Variants in GLS2 observed in about 807,000 individuals in gnomAD.
The protein encoded by GLS2 is glutaminase liver isoform, mitochondrial.
GLS2 carries 52 observed loss-of-function variants against 79.0 expected under a neutral mutation model. That is an observed-to-expected ratio of 0.66 (90% CI 0.53 to 0.83). The LOEUF is 0.83. Ranked by LOEUF, GLS2 falls within the 40% of genes least tolerant of loss-of-function variation. The probability of loss-of-function intolerance (pLI) is 0.00; values close to 1 mark genes in which losing one functional copy is unlikely to be tolerated. For synonymous variants in GLS2, 238 were observed against 280.8 expected (o/e 0.85, Z 1.52); for missense variants, 561 against 764.8 (o/e 0.73, Z 3.14).
chr12:56,480,269 C>T lies in GLS2; in HGVS notation c.282+19G>A, dbSNP rs1170027950. On this transcript the variant is annotated intron_variant, in intron 2 of 17. Transcript: ENST00000311966. ...GATCTTAAGGAATTAGGATCCTGAA[C>T]AGGTAGAGGGCAACTTACAGTGGTG... 1 of 1,599,830 alleles carries T rather than the reference C, an allele frequency of 6.3e-7. No homozygotes were observed. The highest frequency in any genetic ancestry group is 1.7e-5 in the Admixed American group (1 of 59,942).
intron 1 of GLS2, among the ~76,000 whole-genome samples, chr12:56,483,716 G>A (rs1368047494): frequency 1.3e-5 from 2 of 152,216 alleles, no homozygotes; most frequent in Admixed American, 6.5e-5. Flanking sequence ...TAGTAGCTGG[G>A]ACTATAGGTG....
At chr12:56,483,322 G>A (rs1011026812) in intron 1 of GLS2, among the ~76,000 whole-genome samples, 4 of 151,134 alleles carry the variant, frequency 2.6e-5, no homozygotes, top group Non-Finnish European at 4.4e-5. Flanking sequence ...CTTGTGATCC[G>A]CCTGCCTCCC....
intron 4 of GLS2, chr12:56,478,578 C>T: frequency 3.0e-6 from 1 of 337,864 alleles, no homozygotes; most frequent in East Asian, 6.4e-5. Flanking sequence ...TCTATTCGAT[C>T]TTGATTCCCT....
chr12:56,482,944 C>T (rs1383986387), intron 1 of GLS2, among the ~76,000 whole-genome samples: 4 of 151,946 alleles, frequency 2.6e-5, no homozygotes, highest in South Asian at 2.1e-4. Flanking sequence ...CAGCTAGTTG[C>T]GATTAAGACC....
intron 12 of GLS2, 95 bp from the exon 13 acceptor site, chr12:56,473,689 C>T: frequency 6.9e-7 from 1 of 1,449,406 alleles, no homozygotes; most frequent in South Asian, 1.5e-5. Flanking sequence ...TTACAAATGA[C>T]TGCATGACCA....
chr12:56,481,852 T>C (rs1458996361), intron 1 of GLS2, among the ~76,000 whole-genome samples: 2 of 151,430 alleles, frequency 1.3e-5, no homozygotes, highest in Non-Finnish European at 2.9e-5. Flanking sequence ...GATCACGCCA[T>C]TACACTCCAG....
chr12:56,484,482 C>T (rs1397115627), intron 1 of GLS2, among the ~76,000 whole-genome samples: 2 of 152,078 alleles, frequency 1.3e-5, no homozygotes, highest in African/African-American at 4.8e-5. Flanking sequence ...TGTTTGGAGT[C>T]AGGAGGAGTA....
In GLS2 at chr12:56,475,028, G is replaced by A. The variant is rs370703674; in HGVS notation, c.996+16C>T. 116 of 1,613,864 alleles carry A rather than the reference G, an allele frequency of 7.2e-5. No individual in the cohort carries two copies. In the Admixed American group the frequency reaches 1.1e-3, roughly 15 times the overall value. On this transcript the variant is annotated intron_variant, in intron 10 of 17. Coordinates refer to ENST00000311966, the MANE Select transcript of GLS2 (RefSeq NM_013267.4). ...AGAATTCCCAGGGACTTTCTCTTCC[G>A]GCCTCTTCTGGTTACCTTCTTTTCC...
intron 15 of GLS2, 47 bp from the exon 16 acceptor site, chr12:56,472,242 A>T (rs774690327): frequency 6.4e-7 from 1 of 1,550,924 alleles, no homozygotes; most frequent in Non-Finnish European, 8.9e-7. Context: ...TCAGACTGGA[A>T]TCACAGGTGT....
At position 56,479,157 on chromosome 12, in the gene GLS2, G is replaced by C. The variant is rs755803526; in HGVS notation, c.429C>G (p.Leu143=). The change falls in exon 4 of 18, where the codon CTC becomes CTG. Residue 143 remains leucine (L), a synonymous_variant. Coordinates refer to ENST00000311966, the MANE Select transcript of GLS2 (RefSeq NM_013267.4). Reference sequence around the variant, plus strand: ...ACTTCTTTCGGAATGCCTGGGTCAGGAGCACAATGTTGCTGCTCACACACC... The same window carrying C: ...ACTTCTTTCGGAATGCCTGGGTCAGCAGCACAATGTTGCTGCTCACACACC... ...FRKCVSSNIV[L]LTQAFRKKFV... is the part of the protein sequence containing the mutation. The C allele has an allele frequency of 6.2e-7, 1 of 1,613,886 alleles. No homozygotes were observed. The highest frequency in any genetic ancestry group is 8.5e-7 in the Non-Finnish European group (1 of 1,180,014).
intron 4 of GLS2, 93 bp downstream of exon 4, chr12:56,478,959 G>A (rs1214947018): frequency 1.2e-5 from 18 of 1,478,264 alleles, no homozygotes; most frequent in East Asian, 4.6e-5. Flanking sequence ...ACTCCAGCCC[G>A]GGTGACAGAG....
intron 3 of GLS2, chr12:56,479,431 T>C (rs1870107794): frequency 2.2e-6 from 1 of 446,790 alleles, no homozygotes; most frequent in East Asian, 3.7e-5. Context: ...CAGAATAATA[T>C]GTATGTATGT....
chr12:56,476,289 G>A, intron 7 of GLS2: 1 of 338,486 alleles, frequency 3.0e-6, no homozygotes, highest in Non-Finnish European at 5.5e-6. Context: ...CAGCCTCCAA[G>A]TAGCTCGGAT....
intron 15 of GLS2, 53 bp downstream of exon 15, chr12:56,472,637 A>G: frequency 6.5e-7 from 1 of 1,533,318 alleles, no homozygotes; most frequent in Non-Finnish European, 9.0e-7. Flanking sequence ...CCTCCTAGTA[A>G]AATCTCTGAC....
At chr12:56,479,347 G>A (rs757828117) in intron 3 of GLS2, 166 bp from the exon 4 acceptor site, 67 of 758,064 alleles carry the variant, frequency 8.8e-5, no homozygotes, top group Non-Finnish European at 1.2e-4. Context: ...CTTAGTTTCC[G>A]TACCTCTAAA....
chr12:56,472,151 G>A lies in GLS2; in HGVS notation c.1556C>T (p.Ser519Leu), dbSNP rs756058907. 3.7e-6 allele frequency: 6 copies of A among 1,614,034 alleles called. No individual in the cohort carries two copies. The highest frequency in any genetic ancestry group is 2.2e-5 in the East Asian group (1 of 44,906). Residue 519 changes from serine to leucine, a missense_variant, in exon 16 of 18, where the codon TCG (serine) becomes TTG (leucine). By Grantham distance (145) the Ser-to-Leu change is moderately radical (BLOSUM62 -2). This residue lies in a region of GLS2 where 136 missense variants were observed against 228.6 expected (regional missense o/e 0.59). Transcript: ENST00000311966. Reference protein sequence around the residue: ...AMDMEQKDYDSRTALHVAAAE... With the variant: ...AMDMEQKDYDLRTALHVAAAE... ...TGCAGCAACATGCAGAGCTGTGCGC[G>A]AGTCATAGTCTTTCTGTTCCATATC... is the stretch of plus-strand genomic sequence containing the variant.
At chr12:56,477,465 G>A (rs948413821) in intron 7 of GLS2, 195 bp downstream of exon 7, 9 of 542,214 alleles carry the variant, frequency 1.7e-5, no homozygotes, top group Admixed American at 9.8e-5. Context: ...TGGGGATGAC[G>A]GAGGTGGTGC....
chr12:56,473,541 G>A lies in GLS2; in HGVS notation c.1278C>T (p.Pro426=). ...ACAGGCACATCATTCCCATGACATT[G>A]GGTACCACCAGGAGGATGGCTCCTG... ...AVSGAILLVV[P]NVMGMMCLSP... Residue 426 remains proline (P), a synonymous_variant, in exon 13 of 18, where the codon CCC becomes CCT. Transcript: ENST00000311966. 6.2e-7 allele frequency: 1 copy of A among 1,613,492 alleles called. No individual in the cohort carries two copies. The highest frequency in any genetic ancestry group is 8.5e-7 in the Non-Finnish European group (1 of 1,180,006).
chr12:56,485,447 C>T (rs1870609051), intron 1 of GLS2, among the ~76,000 whole-genome samples: 1 of 150,324 alleles, frequency 6.7e-6, no homozygotes, highest in Non-Finnish European at 1.5e-5. Context: ...TTTTTTTTGG[C>T]AGAGACAGGG....
Sources: allele counts gnomAD v4.1 joint callset (sites outside exome capture counted in the v4.1 genomes callset), GRCh38; gene constraint gnomAD v4.1.1; regional missense constraint gnomAD v4.1.1; transcripts MANE v1.5; gene names NCBI Gene and HGNC (gene_info 2026-07-23, HGNC 2026-07-21).